CPE: variants seen among roughly 807,000 people sequenced by gnomAD.
CPE encodes carboxypeptidase E, also known as carbocypeptidase E.
Under a neutral mutation model 53.5 loss-of-function variants are expected in CPE, and 17 were observed. That is an observed-to-expected ratio of 0.32 (90% confidence interval 0.22 to 0.48). The LOEUF is 0.48. Ranked by LOEUF, CPE falls within the 20% of genes least tolerant of loss-of-function variation. CPE has a pLI of 0.99. For synonymous variants in CPE, 226 were observed against 228.8 expected (o/e 0.99, Z 0.11); for missense variants, 524 against 614.7 (o/e 0.85, Z 1.56).
At chr4:165,446,740 G>T (rs532691185) in intron 1 of CPE, among the ~76,000 whole-genome samples, 1 of 152,192 alleles carries the variant, frequency 6.6e-6, no homozygotes, top group East Asian at 1.9e-4. Flanking sequence ...TACGAAGGGG[G>T]GTGTGAATTG....
chr4:165,462,320 G>A (rs1033807094), intron 1 of CPE, among the ~76,000 whole-genome samples: 1 of 152,136 alleles, frequency 6.6e-6, no homozygotes, highest in Non-Finnish European at 1.5e-5. Flanking sequence ...TGGGTTTGTT[G>A]TTTCTTCTTT....
At chr4:165,474,643 C>G (rs1732264033) in intron 3 of CPE, among the ~76,000 whole-genome samples, 1 of 152,174 alleles carries the variant, frequency 6.6e-6, no homozygotes, top group Non-Finnish European at 1.5e-5. Context: ...ACAGTGGGAC[C>G]CTTGTTCATC....
intron 1 of CPE, among the ~76,000 whole-genome samples, chr4:165,415,416 C>T (rs1731104736): frequency 6.6e-6 from 1 of 152,162 alleles, no homozygotes; most frequent in Non-Finnish European, 1.5e-5. Context: ...GCTCCTCCTG[C>T]TCAGAGGAGC....
chr4:165,393,861 T>C (rs1418651781), intron 1 of CPE, among the ~76,000 whole-genome samples: 1 of 152,094 alleles, frequency 6.6e-6, no homozygotes, highest in East Asian at 1.9e-4. Context: ...CAGGAAAGCA[T>C]TGAAATAAAT....
intron 1 of CPE, among the ~76,000 whole-genome samples, chr4:165,425,455 G>C (rs972433927): frequency 2.6e-5 from 4 of 151,972 alleles, no homozygotes; most frequent in Admixed American, 6.6e-5. Context: ...TTTCCTTTAT[G>C]TGCTTACAGT....
At chr4:165,392,562 GCTTATA>G (rs1476692699) in intron 1 of CPE, among the ~76,000 whole-genome samples, 3 of 142,582 alleles carry the variant, frequency 2.1e-5, no homozygotes, top group Non-Finnish European at 4.6e-5. Flanking sequence ...TTATAATGGA[GCTTATA>G]CTTATATATT....
chr4:165,424,239 CCTTA>C (rs1731278552), intron 1 of CPE, among the ~76,000 whole-genome samples: 1 of 151,392 alleles, frequency 6.6e-6, no homozygotes, highest in Admixed American at 6.6e-5. Flanking sequence ...AATTAGCTTA[CCTTA>C]CTTGTTTTTT....
intron 1 of CPE, among the ~76,000 whole-genome samples, chr4:165,420,111 C>T (rs1229419995): frequency 6.6e-6 from 1 of 152,104 alleles, no homozygotes; most frequent in African/African-American, 2.4e-5. Context: ...GTGCTATCCT[C>T]ACCCTTATTC....
intron 1 of CPE, among the ~76,000 whole-genome samples, chr4:165,426,954 C>G (rs1731329620): frequency 6.6e-6 from 1 of 152,202 alleles, no homozygotes; most frequent in Non-Finnish European, 1.5e-5. Context: ...AATGCAAAGG[C>G]TTTTACAGGA....
intron 1 of CPE, among the ~76,000 whole-genome samples, chr4:165,459,561 AT>A (rs1731957498): frequency 1.3e-5 from 2 of 151,100 alleles, no homozygotes; most frequent in Non-Finnish European, 3.0e-5. Context: ...CTGTGCAAAT[AT>A]GATGATTCCT....
chr4:165,493,288 T>A lies in CPE; in HGVS notation c.1213+18T>A. 1 of 1,524,622 alleles carries A rather than the reference T, an allele frequency of 6.6e-7. No homozygotes were observed. Among genetic ancestry groups the A allele is most frequent in the Non-Finnish European group, 9.1e-7 (1 of 1,098,872 alleles). The allele number at this position is 1,524,622 out of a possible 1,614,324, so 94.4% of individuals were successfully genotyped here. A position where few individuals can be genotyped will look rare whatever the true frequency, so the allele number is the denominator to read the frequency against. ...TACATCCGGTGGGTCTTTGCCACAA[T>A]TGGAGGCTCTACGTTATGTACAAGA... On this transcript the variant is annotated intron_variant, in intron 7 of 8. Transcript: ENST00000402744.
intron 4 of CPE, among the ~76,000 whole-genome samples, chr4:165,483,398 C>G (rs1732454142): frequency 6.6e-6 from 1 of 152,138 alleles, no homozygotes; most frequent in Non-Finnish European, 1.5e-5. Flanking sequence ...CATTGATGGA[C>G]AATTAGGTTG....
intron 1 of CPE, among the ~76,000 whole-genome samples, chr4:165,394,796 A>G (rs146918472): frequency 0.012 from 1,897 of 152,272 alleles, 36 homozygotes; most frequent in African/African-American, 0.044. Context: ...ACCAACAATC[A>G]TCACACAATT....
chr4:165,414,390 A>G (rs897285661), intron 1 of CPE, among the ~76,000 whole-genome samples: 3 of 152,204 alleles, frequency 2.0e-5, no homozygotes, highest in African/African-American at 7.2e-5. Flanking sequence ...GAGTAAGTTT[A>G]TAGAGTCAGA....
At chr4:165,409,611 A>G (rs1731005926) in intron 1 of CPE, among the ~76,000 whole-genome samples, 1 of 152,186 alleles carries the variant, frequency 6.6e-6, no homozygotes, top group Admixed American at 6.5e-5. Context: ...TTGACTCTGA[A>G]TCTTTCAGTG....
At chr4:165,490,759 A>G (rs1732589099) in intron 6 of CPE, among the ~76,000 whole-genome samples, 1 of 152,078 alleles carries the variant, frequency 6.6e-6, no homozygotes, top group Non-Finnish European at 1.5e-5. Context: ...GGACCGAAGT[A>G]TCTTCATTTG....
chr4:165,484,562 G>A lies in CPE; in HGVS notation c.931G>A (p.Asp311Asn). 1 of 1,614,142 alleles carries A rather than the reference G, an allele frequency of 6.2e-7. No individual in the cohort carries two copies. Among genetic ancestry groups the A allele is most frequent in the Non-Finnish European group, 8.5e-7 (1 of 1,179,968 alleles). ...RKNDDDSSFV[D>N]GTTNGGAWYS... Reference sequence around the variant, plus strand: ...GAATGATGATGACAGCAGCTTTGTAGATGGAACCACCAACGGTGGTGCTTG... The same window carrying A: ...GAATGATGATGACAGCAGCTTTGTAAATGGAACCACCAACGGTGGTGCTTG... Residue 311 changes from aspartate to asparagine, a missense_variant, in exon 5 of 9, where the codon GAT (aspartate) becomes AAT (asparagine). By Grantham distance (23) the Asp-to-Asn change is conservative (BLOSUM62 1). Transcript: ENST00000402744.
chr4:165,487,932 G>A (rs1392858905), intron 6 of CPE, among the ~76,000 whole-genome samples: 2 of 152,234 alleles, frequency 1.3e-5, no homozygotes, highest in Non-Finnish European at 1.5e-5. Flanking sequence ...GCACCTGAAT[G>A]GAAAATTTAA....
At chr4:165,437,323 A>C (rs915392220) in intron 1 of CPE, among the ~76,000 whole-genome samples, 2 of 152,160 alleles carry the variant, frequency 1.3e-5, no homozygotes, top group African/African-American at 4.8e-5. Flanking sequence ...AAAGCTTCAC[A>C]TGTCCCCTCT....
Sources: allele counts gnomAD v4.1 joint callset (sites outside exome capture counted in the v4.1 genomes callset), GRCh38; gene constraint gnomAD v4.1.1; transcripts MANE v1.5; gene names NCBI Gene and HGNC (gene_info 2026-07-23, HGNC 2026-07-21).